The following RFX3 variants were observed in gnomAD, a reference collection of about 807,000 sequenced individuals.
The protein encoded by RFX3 is regulatory factor X3, also known as transcription factor RFX3.
In RFX3, 14 loss-of-function variants were observed where a neutral mutation model predicts 98.6. The ratio of observed to expected loss-of-function variants is 0.14; its 90% confidence interval spans 0.09 to 0.22. RFX3 has a LOEUF of 0.22. Among genes scored for constraint, RFX3 ranks in the 10% least tolerant of loss-of-function variants. The pLI, the probability that RFX3 is intolerant of heterozygous loss-of-function variation, is 1.00. For synonymous variants in RFX3, 383 were observed against 328.4 expected, an observed-to-expected ratio of 1.17 and a Z score of -1.80; for missense variants, 639 against 926.9, an observed-to-expected ratio of 0.69 and a Z score of 4.03.
intron 1 of RFX3, among the ~76,000 whole-genome samples, chr9:3,410,531 CAG>C (rs1842380669): frequency 6.6e-6 from 1 of 151,970 alleles, no homozygotes; most frequent in South Asian, 2.1e-4. Context: ...CCAAAATAAA[CAG>C]GGAACAAATT....
At chr9:3,457,975 C>T (rs1438835725) in intron 1 of RFX3, among the ~76,000 whole-genome samples, 1 of 152,046 alleles carries the variant, frequency 6.6e-6, no homozygotes, top group Non-Finnish European at 1.5e-5. Context: ...CTAGCTCAAG[C>T]ATGAAATAGC....
At chr9:3,396,638 C>T (rs1159534800) in intron 1 of RFX3, among the ~76,000 whole-genome samples, 2 of 152,182 alleles carry the variant, frequency 1.3e-5, no homozygotes, top group African/African-American at 4.8e-5. Context: ...AATGGTTGAA[C>T]TAGTTTATGG....
At chr9:3,466,899 A>C (rs1293108687) in intron 1 of RFX3, among the ~76,000 whole-genome samples, 1 of 151,370 alleles carries the variant, frequency 6.6e-6, no homozygotes, top group East Asian at 1.9e-4. Context: ...TTTTCTGTCT[A>C]GACTTAAAGC....
intron 11 of RFX3, among the ~76,000 whole-genome samples, chr9:3,268,622 T>C (rs531461260): frequency 6.6e-6 from 1 of 151,936 alleles, no homozygotes; most frequent in Non-Finnish European, 1.5e-5. Context: ...TATTCGGGTG[T>C]CTGCTTAATG....
At chr9:3,387,626 T>C (rs1839859556) in intron 2 of RFX3, among the ~76,000 whole-genome samples, 2 of 144,002 alleles carry the variant, frequency 1.4e-5, no homozygotes, top group Admixed American at 1.3e-4. Context: ...AAAATCATTG[T>C]CTTTTTTTTT....
Position 3,359,211 on chromosome 9 carries a change from G to A in RFX3, c.118-12447C>T, listed in dbSNP as rs546111102. Among the ~76,000 whole-genome samples, 3 of 152,050 alleles carry A rather than the reference G, an allele frequency of 2.0e-5. No individual in the cohort carries two copies. The East Asian group carries it at 5.8e-4, about 29-fold the overall frequency. On this transcript the variant is annotated intron_variant, in intron 2 of 16. Coordinates refer to ENST00000617270, the MANE Select transcript of RFX3 (RefSeq NM_001282116.2). ...AGGAAGCAAAGAGGGATTAAAAAAG[G>A]GCAGACAATGAAAAGAGGAACCAAA...
chr9:3,396,050 T>C (rs1840828839), intron 1 of RFX3, among the ~76,000 whole-genome samples: 1 of 152,164 alleles, frequency 6.6e-6, no homozygotes, highest in Non-Finnish European at 1.5e-5. Flanking sequence ...ATTTCTTTTT[T>C]TTTTTTATAC....
At chr9:3,246,400 A>G (rs1820680146) in intron 15 of RFX3, among the ~76,000 whole-genome samples, 1 of 152,120 alleles carries the variant, frequency 6.6e-6, no homozygotes, top group Non-Finnish European at 1.5e-5. Flanking sequence ...CTAAGCCTTC[A>G]CACTGTGTGA....
chr9:3,235,304 G>A (rs535132781), intron 15 of RFX3, among the ~76,000 whole-genome samples: 8 of 152,288 alleles, frequency 5.3e-5, no homozygotes, highest in South Asian at 2.1e-4. Flanking sequence ...GGCTTTCAGC[G>A]TGGGTCATCA....
At chr9:3,305,015 A>G (rs575567737) in intron 4 of RFX3, among the ~76,000 whole-genome samples, 39 of 152,142 alleles carry the variant, frequency 2.6e-4, no homozygotes, top group African/African-American at 8.2e-4. Flanking sequence ...CAAAATTCAC[A>G]TTTATTTTCT....
chr9:3,235,843 C>A (rs72697076), intron 15 of RFX3, among the ~76,000 whole-genome samples: 13,581 of 152,154 alleles, frequency 0.089, 678 homozygotes, highest in African/African-American at 0.13. Context: ...ATAATCTCCC[C>A]ATTTAAATTC....
At chr9:3,290,119 T>TAA (rs1238828957) in intron 6 of RFX3, among the ~76,000 whole-genome samples, 1 of 151,986 alleles carries the variant, frequency 6.6e-6, no homozygotes, top group African/African-American at 2.4e-5. Context: ...TTCATTTCTT[T>TAA]AAACTCCCTC....
intron 1 of RFX3, among the ~76,000 whole-genome samples, chr9:3,420,327 T>G (rs1240995933): frequency 5.3e-5 from 8 of 152,120 alleles, no homozygotes; most frequent in Non-Finnish European, 1.2e-4. Flanking sequence ...ACAGCTGAAA[T>G]GTGAACACAG....
In RFX3 at chr9:3,263,132, G is replaced by C. The variant is rs773602725; in HGVS notation, c.1456-48C>G. 6.3e-6 allele frequency: 10 copies of C among 1,585,660 alleles called. No individual in the cohort carries two copies. The East Asian group carries it at 2.3e-4, about 36-fold the overall frequency. ...TGGGATTCTGTTTCCTCCAGTAAAA[G>C]AAACCACTGCAATTTTCAAATCTTC... On this transcript the variant is annotated intron_variant, in intron 12 of 16. Transcript: ENST00000617270.
chr9:3,510,443 A>C (rs1817563133), intron 1 of RFX3, among the ~76,000 whole-genome samples: 1 of 152,032 alleles, frequency 6.6e-6, no homozygotes, highest in South Asian at 2.1e-4. Flanking sequence ...GAATAAGTGG[A>C]TCAATATTAT....
intron 4 of RFX3, among the ~76,000 whole-genome samples, chr9:3,323,117 T>C (rs1831498805): frequency 6.6e-6 from 1 of 152,198 alleles, no homozygotes; most frequent in South Asian, 2.1e-4. Context: ...AACCAGATAA[T>C]TCTGTGGCAA....
intron 15 of RFX3, among the ~76,000 whole-genome samples, chr9:3,244,054 T>C (rs2130899739): frequency 6.6e-6 from 1 of 151,358 alleles, no homozygotes; most frequent in African/African-American, 2.4e-5. Flanking sequence ...CAGGCTGGAG[T>C]GCAGTGGCGT....
intron 13 of RFX3, among the ~76,000 whole-genome samples, chr9:3,259,293 G>A (rs569387427): frequency 6.6e-6 from 1 of 152,032 alleles, no homozygotes; most frequent in Non-Finnish European, 1.5e-5. Flanking sequence ...GCCAAGAAAA[G>A]ATGATAATCT....
At chr9:3,449,711 G>C (rs972327590) in intron 1 of RFX3, among the ~76,000 whole-genome samples, 4 of 152,036 alleles carry the variant, frequency 2.6e-5, no homozygotes, top group Non-Finnish European at 4.4e-5. Flanking sequence ...AAATTAGCCA[G>C]GTGTGGAAGT....
Sources: gnomAD v4.1 joint callset for allele counts (sites outside exome capture counted in the v4.1 genomes callset) on GRCh38, gnomAD v4.1.1 for gene constraint, MANE v1.5 for transcripts, NCBI Gene and HGNC (gene_info 2026-07-23, HGNC 2026-07-21) for gene names.